Variants in NABP2 observed in about 807,000 individuals in gnomAD.
NABP2 encodes SOSS complex subunit B1.
Under a neutral mutation model 22.7 loss-of-function variants are expected in NABP2, and 7 were observed. The ratio of observed to expected loss-of-function variants is 0.31; its 90% CI spans 0.18 to 0.58. The LOEUF (loss-of-function observed/expected upper bound fraction) is 0.58. Ranked by LOEUF, NABP2 falls within the 20% of genes least tolerant of loss-of-function variation. NABP2 has a pLI of 0.89. For synonymous variants in NABP2, 107 were observed against 99.2 expected (o/e 1.08, Z -0.47); for missense variants, 188 against 265.9 (o/e 0.71, Z 2.04).
At chr12:56,227,882 G>A (rs929489293) in intron 6 of NABP2, among the ~76,000 whole-genome samples, 2 of 152,110 alleles carry the variant, frequency 1.3e-5, no homozygotes. Context: ...GCTTTGGTGG[G>A]TAAGATTACG....
In NABP2 at chr12:56,229,231, C is replaced by T; in HGVS notation, c.*18C>T. On this transcript the variant is annotated 3_prime_UTR_variant, in exon 7 of 7. Coordinates refer to ENST00000267023, the MANE Select transcript of NABP2 (RefSeq NM_024068.4). ...AGAGATAGCATGACATTCTTTCTTC[C>T]TGCCACCAACCACATCCCAAGTGTC... 1.9e-6 allele frequency: 3 copies of T among 1,611,642 alleles called. No homozygotes were observed. The highest frequency in any genetic ancestry group is 2.5e-6 in the Non-Finnish European group (3 of 1,179,766).
chr12:56,229,602 C>T lies in NABP2; in HGVS notation c.*389C>T, dbSNP rs1292764333. 11 of 205,864 alleles carry T rather than the reference C, an allele frequency of 5.3e-5. No homozygotes were observed. The highest frequency in any genetic ancestry group is 2.1e-4 in the African/African-American group (9 of 42,480). The allele number at this position is 205,864 out of a possible 1,614,324, so 12.8% of individuals were successfully genotyped here. On this transcript the variant is annotated 3_prime_UTR_variant, in exon 7 of 7. Coordinates refer to ENST00000267023, the MANE Select transcript of NABP2 (RefSeq NM_024068.4). ...ATACAGAATTAGCCAGGCATGGTGG[C>T]GTATGCCTGTAATCCCAGCTACTTA...
chr12:56,225,736 G>A (rs748493893), intron 4 of NABP2, 41 bp downstream of exon 4: 1 of 1,604,222 alleles, frequency 6.2e-7, no homozygotes, highest in East Asian at 2.2e-5. Context: ...AAGCACCAGG[G>A]CAAAGGGGTT....
chr12:56,227,013 C>T (rs112668709), intron 6 of NABP2, among the ~76,000 whole-genome samples: 51,641 of 150,318 alleles, frequency 0.34, 10,763 homozygotes, highest in East Asian at 0.64. Context: ...CGTGAGCCAC[C>T]GCGCCCAGCC....
chr12:56,228,475 C>T (rs1157396085), intron 6 of NABP2, among the ~76,000 whole-genome samples: 2 of 151,730 alleles, frequency 1.3e-5, no homozygotes, highest in African/African-American at 2.4e-5. Flanking sequence ...CAACCTCTGC[C>T]TCCCAGGTTT....
At chr12:56,223,570 T>C (rs1869610916), upstream of NABP2, 1 of 150,576 alleles carries the variant, frequency 6.6e-6, no homozygotes, top group Admixed American at 6.6e-5. Flanking sequence ...ACAATGTTTC[T>C]CTCTTTGTCG....
intron 2 of NABP2, 117 bp from the exon 3 acceptor site, chr12:56,225,256 T>G (rs1384517631): frequency 2.1e-6 from 3 of 1,404,982 alleles, no homozygotes; most frequent in Non-Finnish European, 3.0e-6. Flanking sequence ...GATTTGGGCT[T>G]TCCCCTGTTT....
At chr12:56,224,962 C>A in intron 2 of NABP2, 27 bp downstream of exon 2, 1 of 986,550 alleles carries the variant, frequency 1.0e-6, no homozygotes, top group Non-Finnish European at 1.5e-6. Flanking sequence ...GGCGGGTTCG[C>A]GGGATGGGGG....
chr12:56,224,628 C>A (rs73342304), intron 1 of NABP2, 187 bp downstream of exon 1: 33,061 of 1,131,018 alleles, frequency 0.029, 1,200 homozygotes, highest in African/African-American at 0.17. Context: ...GGGGGCCTTC[C>A]AGCCCCAAAG....
intron 6 of NABP2, 142 bp downstream of exon 6, chr12:56,226,561 T>A (rs1250254767): frequency 1.7e-6 from 1 of 573,346 alleles, no homozygotes; most frequent in Non-Finnish European, 2.8e-6. Flanking sequence ...AGACCCCTTT[T>A]TTTTTTTTTT....
chr12:56,222,791 C>G (rs1299770681), upstream of NABP2, among the ~76,000 whole-genome samples: 1 of 152,220 alleles, frequency 6.6e-6, no homozygotes, highest in Admixed American at 6.5e-5. Context: ...CACATTAATA[C>G]ACACATACAC....
chr12:56,229,270 G>A lies in NABP2; in HGVS notation c.*57G>A. The stretch of plus-strand genomic sequence containing the variant: ...ATCCCAAGTGTCCCCTGGAGAGCAA[G>A]ATAGCCTTCCACTGATTGGCTGGTG... On this transcript the variant is annotated 3_prime_UTR_variant, in exon 7 of 7. Coordinates refer to ENST00000267023, the MANE Select transcript of NABP2 (RefSeq NM_024068.4). 2 of 1,589,446 alleles carry A rather than the reference G, an allele frequency of 1.3e-6. No homozygotes were observed. Among genetic ancestry groups the A allele is most frequent in the African/African-American group, 1.3e-5 (1 of 74,554 alleles).
chr12:56,229,741 AAAAGAAAG>A lies in NABP2; in HGVS notation c.*552_*559del, dbSNP rs60369016. 0.72 allele frequency: 109,012 copies of A among 150,374 alleles called. 43,125 individuals are homozygous for A. Among genetic ancestry groups the A allele is most frequent in the South Asian group, 0.9 (4,355 of 4,824 alleles). 9.3% of individuals were successfully genotyped at this position (150,374 alleles called of 1,614,324 possible). On this transcript the variant is annotated 3_prime_UTR_variant, in exon 7 of 7. Transcript: ENST00000267023. ...AAGAGCGAAACTCCATCTCAAAAAA[AAAAGAAAG>A]AAAGAAAGAAAGAAAGAAAGAAATG...
intron 6 of NABP2, 120 bp downstream of exon 6, chr12:56,226,539 C>T: frequency 1.3e-6 from 1 of 753,658 alleles, no homozygotes; most frequent in Non-Finnish European, 2.2e-6. Context: ...TCCTCCTTCA[C>T]CCAATTCTCC....
intron 2 of NABP2, 106 bp downstream of exon 2, chr12:56,225,041 A>G (rs1869697984): frequency 2.4e-6 from 2 of 831,128 alleles, no homozygotes; most frequent in Admixed American, 4.0e-5. Context: ...GGCAAGCTGC[A>G]AGACACTCCT....
upstream of NABP2, chr12:56,222,156 A>G (rs967384599): frequency 5.9e-5 from 9 of 152,284 alleles, no homozygotes; most frequent in Admixed American, 4.6e-4. Flanking sequence ...CCCGGCAAAA[A>G]CGTGTGGGCC....
At chr12:56,224,269 G>A (rs1365176195), upstream of NABP2, 1 of 944,680 alleles carries the variant, frequency 1.1e-6, no homozygotes, top group Non-Finnish European at 1.3e-6. Context: ...GGCAGGCGGC[G>A]GGACGCAGGG....
At position 56,229,742 on chromosome 12, in the gene NABP2, AAAGAAAGAAAG is replaced by A; in HGVS notation, c.*532_*542del. 4.8e-5 allele frequency: 1 copy of A among 21,028 alleles called. No individual in the cohort carries two copies. Among genetic ancestry groups the A allele is most frequent in the Admixed American group, 1.1e-3 (1 of 870 alleles). The allele number at this position is 21,028 out of a possible 1,614,324, so 1.3% of individuals were successfully genotyped here. A position where few individuals can be genotyped will look rare whatever the true frequency, so the allele number is the denominator to read the frequency against. ...AGAGCGAAACTCCATCTCAAAAAAA[AAAGAAAGAAAG>A]AAAGAAAGAAAGAAAGAAATGGCAG... is the stretch of plus-strand genomic sequence containing the variant. On this transcript the variant is annotated 3_prime_UTR_variant, in exon 7 of 7. Transcript: ENST00000267023.
Position 56,229,089 on chromosome 12 carries a change from C to CCCCCCCCCCCCCCCCCA in NABP2, c.513_514insCCCCCCCCCCCCCCCAC (p.Ser172ProfsTer67). 1 of 611,480 alleles carries CCCCCCCCCCCCCCCCCA rather than the reference C, an allele frequency of 1.6e-6. No homozygotes were observed. The highest frequency in any genetic ancestry group is 3.0e-6 in the Non-Finnish European group (1 of 336,882). 37.9% of individuals were successfully genotyped at this position (611,480 alleles called of 1,614,324 possible). A position where few individuals can be genotyped will look rare whatever the true frequency, so the allele number is the denominator to read the frequency against. On this transcript the variant is annotated frameshift_variant, in exon 7 of 7. Transcript: ENST00000267023. LOFTEE classifies it high-confidence loss of function. ...GGTGGCCCACATCCCCCTCATACTC[C>CCCCCCCCCCCCCCCCCA]CTCCCACCCACCCAGCACCCGAATC...
Sources: gnomAD v4.1 joint callset for allele counts (sites outside exome capture counted in the v4.1 genomes callset) on GRCh38, gnomAD v4.1.1 for gene constraint, MANE v1.5 for transcripts, NCBI Gene and HGNC (gene_info 2026-07-23, HGNC 2026-07-21) for gene names.